The following HYKK variants were observed in gnomAD, a reference collection of about 807,000 sequenced individuals.
HYKK encodes 5-hydroxy-L-lysine kinase.
In HYKK, 19 loss-of-function variants were observed where a neutral mutation model predicts 29.7. The ratio of observed to expected loss-of-function variants is 0.64; its 90% CI spans 0.45 to 0.94. The LOEUF is 0.94. Among genes scored for constraint, HYKK ranks in the 40% least tolerant of loss-of-function variants. The pLI is 0.00. For missense variants in HYKK, 390 were observed against 443.4 expected (o/e 0.88, Z 1.08); for synonymous variants, 152 against 158.1 (o/e 0.96, Z 0.29).
chr15:78,511,315 T>A (rs775038608), intron 1 of HYKK, among the ~76,000 whole-genome samples: 11 of 152,314 alleles, frequency 7.2e-5, no homozygotes, highest in Non-Finnish European at 1.6e-4. Context: ...ACCTACATTG[T>A]CTTTCATATG....
rs1385302376 is a variant in HYKK at position 78,536,387 on chromosome 15, A to G, written c.*2717A>G. The G allele has an allele frequency of 6.6e-6, 1 of 152,090 alleles. No homozygotes were observed. Among genetic ancestry groups the G allele is most frequent in the Non-Finnish European group, 1.5e-5 (1 of 68,040 alleles). The allele number at this position is 152,090 out of a possible 1,614,324, so 9.4% of individuals were successfully genotyped here. On this transcript the variant is annotated 3_prime_UTR_variant, in exon 5 of 5. Coordinates refer to ENST00000388988, the MANE Select transcript of HYKK (RefSeq NM_001013619.4). The stretch of plus-strand genomic sequence containing the variant: ...CAAATGAGATCATTCACATGAAAGC[A>G]CTTATGTTTCTGAAATTTAAGGGAC...
Position 78,513,573 on chromosome 15 carries a change from G to A in HYKK, c.337+148G>A, listed in dbSNP as rs569743402. 391 of 638,530 alleles carry A rather than the reference G, an allele frequency of 6.1e-4. 3 individuals carry two copies. Among genetic ancestry groups the A allele is most frequent in the Middle Eastern group, 2.5e-3 (6 of 2,358 alleles). The allele number at this position is 638,530 out of a possible 1,614,324, so 39.6% of individuals were successfully genotyped here. A position where few individuals can be genotyped will look rare whatever the true frequency, so the allele number is the denominator to read the frequency against. On this transcript the variant is annotated intron_variant, in intron 2 of 4. Coordinates refer to ENST00000388988, the MANE Select transcript of HYKK (RefSeq NM_001013619.4). ...TTAGCACCTCAATAGTACACCCTTA[G>A]AGGTGGTTGTGTTTTCGGTGCTGGG...
At position 78,534,242 on chromosome 15, in the gene HYKK, C is replaced by T. The variant is rs1379906699; in HGVS notation, c.*572C>T. On this transcript the variant is annotated 3_prime_UTR_variant, in exon 5 of 5. Coordinates refer to ENST00000388988, the MANE Select transcript of HYKK (RefSeq NM_001013619.4). ...AAAACTTATTTTTGTCTCCTCAGCC[C>T]TTCTTTTTTTTTTTTTTTTTTTTTT... 1 of 131,220 alleles carries T rather than the reference C, an allele frequency of 7.6e-6. No homozygotes were observed. The highest frequency in any genetic ancestry group is 1.7e-5 in the Non-Finnish European group (1 of 59,884). The allele number at this position is 131,220 out of a possible 1,614,324, so 8.1% of individuals were successfully genotyped here.
intron 4 of HYKK, among the ~76,000 whole-genome samples, chr15:78,529,082 T>C (rs2052286623): frequency 6.6e-6 from 1 of 152,200 alleles, no homozygotes; most frequent in Non-Finnish European, 1.5e-5. Flanking sequence ...ATTCTATCCA[T>C]TCTTTCTTCA....
chr15:78,515,324 G>A (rs1389443639), intron 3 of HYKK, among the ~76,000 whole-genome samples: 1 of 152,104 alleles, frequency 6.6e-6, no homozygotes, highest in Non-Finnish European at 1.5e-5. Flanking sequence ...GCCCACGCCT[G>A]TAATCCCAGC....
At chr15:78,511,507 C>T (rs2052072478) in intron 1 of HYKK, among the ~76,000 whole-genome samples, 1 of 151,578 alleles carries the variant, frequency 6.6e-6, no homozygotes, top group African/African-American at 2.4e-5. Flanking sequence ...GCAGGCAGAT[C>T]ACTTAAGCCC....
chr15:78,508,880 C>CATAAAAAAAA (rs1306957438), intron 1 of HYKK, among the ~76,000 whole-genome samples: 1 of 55,614 alleles, frequency 1.8e-5, no homozygotes, highest in East Asian at 5.1e-4. Context: ...CCTCTCTCTC[C>CATAAAAAAAA]AAAAAAAAAA....
downstream of HYKK, among the ~76,000 whole-genome samples, chr15:78,536,999 C>T (rs1328023059): frequency 6.6e-6 from 1 of 152,204 alleles, no homozygotes; most frequent in East Asian, 1.9e-4. Flanking sequence ...TCTTGGCCTT[C>T]AAACTCCAGG....
intron 3 of HYKK, among the ~76,000 whole-genome samples, chr15:78,519,788 C>A (rs747039107): frequency 6.6e-6 from 1 of 152,118 alleles, no homozygotes; most frequent in African/African-American, 2.4e-5. Flanking sequence ...AAACAAAAAC[C>A]TTTGAACTGA....
Position 78,527,422 on chromosome 15 carries a change from T to A in HYKK, c.520T>A (p.Phe174Ile). 1 of 1,614,040 alleles carries A rather than the reference T, an allele frequency of 6.2e-7. No individual in the cohort carries two copies. The highest frequency in any genetic ancestry group is 8.5e-7 in the Non-Finnish European group (1 of 1,179,902). The change falls in exon 4 of 5, where the codon TTC (phenylalanine) becomes ATC (isoleucine). Residue 174 changes from phenylalanine (F) to isoleucine (I), a missense_variant. Physicochemically the swap from Phe to Ile is conservative, Grantham distance 21. Coordinates refer to ENST00000388988, the MANE Select transcript of HYKK (RefSeq NM_001013619.4). ...PKLSSLHRENFIWNLKNVPLL... is the reference protein window; with the variant it reads ...PKLSSLHRENIIWNLKNVPLL... ...GTTAAGTAGTCTTCATCGGGAGAAC[T>A]TCATCTGGAATCTGAAAAATGTTCC...
intron 4 of HYKK, chr15:78,528,518 A>G: frequency 1.0e-6 from 1 of 985,438 alleles, no homozygotes; most frequent in Non-Finnish European, 1.2e-6. Context: ...AAGGCAAGGA[A>G]CTGGCTGGGT....
intron 3 of HYKK, among the ~76,000 whole-genome samples, chr15:78,525,542 G>C (rs1324955917): frequency 1.3e-5 from 2 of 151,210 alleles, no homozygotes; most frequent in Non-Finnish European, 2.9e-5. Flanking sequence ...CTGTCGCCCA[G>C]GCTGAAGTGC....
Position 78,515,031 on chromosome 15 carries a change from T to C in HYKK, c.401T>C (p.Ile134Thr), listed in dbSNP as rs749498184. Residue 134 changes from isoleucine (I) to threonine (T), a missense_variant, in exon 3 of 5, where the codon ATC (isoleucine) becomes ACC (threonine). Coordinates refer to ENST00000388988, the MANE Select transcript of HYKK (RefSeq NM_001013619.4). ...RLLTYLPGRP[I>T]AELPVSPQLL... ...CTGACTTACCTCCCAGGAAGACCCA[T>C]CGCTGAGCTTCCCGTCAGCCCCCAG... The C allele has an allele frequency of 2.1e-5, 34 of 1,604,304 alleles. No individual in the cohort carries two copies. Among genetic ancestry groups the C allele is most frequent in the Non-Finnish European group, 2.9e-5 (34 of 1,174,520 alleles).
At chr15:78,525,438 G>T (rs893832097) in intron 3 of HYKK, among the ~76,000 whole-genome samples, 1 of 151,912 alleles carries the variant, frequency 6.6e-6, no homozygotes, top group South Asian at 2.1e-4. Context: ...TTACAGGCGT[G>T]AGCCACCATG....
chr15:78,513,073 T>C lies in HYKK; in HGVS notation c.-5-11T>C. 1.3e-6 allele frequency: 2 copies of C among 1,482,394 alleles called. No individual in the cohort carries two copies. The highest frequency in any genetic ancestry group is 1.9e-6 in the Non-Finnish European group (2 of 1,073,986). The allele number at this position is 1,482,394 out of a possible 1,614,324, so 91.8% of individuals were successfully genotyped here. ...TGTCCCCTTTCTGTTTGTTGCTTTT[T>C]GTTCCCCTAGACATAATGTCAAGTG... is the stretch of plus-strand genomic sequence containing the variant. On this transcript the variant is annotated splice_polypyrimidine_tract_variant and intron_variant, in intron 1 of 4. Transcript: ENST00000388988.
At chr15:78,517,438 G>T (rs915238143) in intron 3 of HYKK, among the ~76,000 whole-genome samples, 1 of 152,084 alleles carries the variant, frequency 6.6e-6, no homozygotes, top group African/African-American at 2.4e-5. Flanking sequence ...AATTAGCTGG[G>T]CATGGTGGTG....
chr15:78,524,261 T>C (rs2052226743), intron 3 of HYKK, among the ~76,000 whole-genome samples: 1 of 152,260 alleles, frequency 6.6e-6, no homozygotes, highest in East Asian at 1.9e-4. Context: ...TTTTACACTC[T>C]GTGCACCCAC....
At chr15:78,520,695 C>T (rs80108650) in intron 3 of HYKK, among the ~76,000 whole-genome samples, 12 of 152,228 alleles carry the variant, frequency 7.9e-5, no homozygotes, top group African/African-American at 1.9e-4. Context: ...ACCTCTCCCC[C>T]CTTTCTATTC....
At chr15:78,515,452 G>A (rs374335662) in intron 3 of HYKK, among the ~76,000 whole-genome samples, 1 of 152,092 alleles carries the variant, frequency 6.6e-6, no homozygotes, top group South Asian at 2.1e-4. Context: ...GCATGGTGGC[G>A]TGTGCCTGTA....
Sources: allele counts gnomAD v4.1 joint callset (sites outside exome capture counted in the v4.1 genomes callset), GRCh38; gene constraint gnomAD v4.1.1; transcripts MANE v1.5; gene names NCBI Gene and HGNC (gene_info 2026-07-23, HGNC 2026-07-21).